Variants in MEIS1 observed in about 807,000 individuals in gnomAD.
The protein encoded by MEIS1 is Meis homeobox 1, also known as homeobox protein Meis1.
A neutral mutation model predicts 50.8 loss-of-function variants in MEIS1; 5 were observed. The ratio of observed to expected loss-of-function variants is 0.10; its 90% CI spans 0.05 to 0.21. The LOEUF (loss-of-function observed/expected upper bound fraction) is 0.21, where lower values mean the gene tolerates loss of function less well. Among genes scored for constraint, MEIS1 ranks in the 10% least tolerant of loss-of-function variants. The probability of loss-of-function intolerance (pLI) is 1.00; values close to 1 mark genes in which losing one functional copy is unlikely to be tolerated. For missense variants in MEIS1, 318 were observed against 517.3 expected, an observed-to-expected ratio of 0.61 and a Z score of 3.74; for synonymous variants, 176 against 179.3, an observed-to-expected ratio of 0.98 and a Z score of 0.15.
intron 7 of MEIS1, among the ~76,000 whole-genome samples, chr2:66,509,974 A>T (rs929929354): frequency 2.6e-5 from 4 of 151,992 alleles, no homozygotes; most frequent in African/African-American, 9.7e-5. Context: ...TAAAAAGGCT[A>T]TTTTTTTTAA....
intron 3 of MEIS1, chr2:66,440,229 C>T (rs1671934515): frequency 3.4e-6 from 2 of 594,662 alleles, no homozygotes; most frequent in South Asian, 4.2e-5. Context: ...ACTCACCCTC[C>T]AGAAAGCAAA....
chr2:66,494,200 T>G, intron 7 of MEIS1, among the ~76,000 whole-genome samples: 1 of 152,210 alleles, frequency 6.6e-6, no homozygotes. Flanking sequence ...CGATCACTTG[T>G]TCCATATGTA....
intron 9 of MEIS1, 86 bp downstream of exon 9, chr2:66,548,105 C>A: frequency 7.9e-7 from 1 of 1,261,116 alleles, no homozygotes. Flanking sequence ...GAAGACACAC[C>A]CAGTTGCCAC....
At chr2:66,524,426 G>T (rs1208069468) in intron 8 of MEIS1, among the ~76,000 whole-genome samples, 1 of 152,078 alleles carries the variant, frequency 6.6e-6, no homozygotes, top group Non-Finnish European at 1.5e-5. Flanking sequence ...GCCAGGTGTG[G>T]TGGCTAATGC....
At position 66,500,715 on chromosome 2, in the gene MEIS1, G is replaced by A. The variant is rs138124734; in HGVS notation, c.743-11434G>A. Among the ~76,000 whole-genome samples the A allele has an allele frequency of 7.9e-3, 1,203 of 152,256 alleles. 48 individuals carry two copies. The East Asian group carries it at 0.11, about 14-fold the overall frequency. Reference sequence around the variant, plus strand: ...GCTGGGATTACAGGCATGAGCCACCGTGCCCGGCCAGCTTTTTTATTTTTC... The same window carrying A: ...GCTGGGATTACAGGCATGAGCCACCATGCCCGGCCAGCTTTTTTATTTTTC... On this transcript the variant is annotated intron_variant, in intron 7 of 12. Transcript: ENST00000272369.
intron 7 of MEIS1, among the ~76,000 whole-genome samples, chr2:66,489,524 C>T (rs555488364): frequency 1.3e-5 from 2 of 152,312 alleles, no homozygotes; most frequent in South Asian, 2.1e-4. Context: ...CTTCAATCAA[C>T]TTGCTTAAAT....
At position 66,463,698 on chromosome 2, in the gene MEIS1, A is replaced by G. The variant is rs1361210653; in HGVS notation, c.631-411A>G. Reference sequence around the variant, plus strand: ...CTGCCATGTTTGTCTTCTAGGATGAATCAGAGGCCCCTATAAACCACAGTG... The same window carrying G: ...CTGCCATGTTTGTCTTCTAGGATGAGTCAGAGGCCCCTATAAACCACAGTG... On this transcript the variant is annotated intron_variant, in intron 6 of 12. Transcript: ENST00000272369. Among the ~76,000 whole-genome samples, 3 of 152,302 alleles carry G rather than the reference A, an allele frequency of 2.0e-5. No homozygotes were observed. The South Asian group carries it at 6.2e-4, about 32-fold the overall frequency.
chr2:66,519,590 CA>C (rs1304715270), intron 8 of MEIS1, among the ~76,000 whole-genome samples: 1 of 152,172 alleles, frequency 6.6e-6, no homozygotes, highest in Admixed American at 6.5e-5. Context: ...AACCTTCTAA[CA>C]TTTTAAAGGC....
intron 9 of MEIS1, among the ~76,000 whole-genome samples, chr2:66,552,684 A>G (rs1376257792): frequency 6.6e-6 from 1 of 152,248 alleles, no homozygotes; most frequent in Non-Finnish European, 1.5e-5. Context: ...GTAAAAATGT[A>G]AACTTATTTT....
intron 10 of MEIS1, 192 bp downstream of exon 10, chr2:66,567,703 T>A: frequency 3.0e-6 from 2 of 671,230 alleles, no homozygotes; most frequent in Admixed American, 2.4e-5. Context: ...TTGGAGAAGG[T>A]GGAAAAAAAA....
chr2:66,437,678 G>A lies in MEIS1; in HGVS notation c.13-59G>A, dbSNP rs115907637. ...CCTTATATAAGCTCGGTGCCTTGCC[G>A]TTCTCCCATTTGCCCGCCTGGCCTC... On this transcript the variant is annotated intron_variant, in intron 1 of 12. Transcript: ENST00000272369. 2,224 of 1,519,634 alleles carry A rather than the reference G, an allele frequency of 1.5e-3. 20 individuals carry two copies. Among genetic ancestry groups the A allele is most frequent in the South Asian group, 0.014 (1,190 of 86,940 alleles). The allele number at this position is 1,519,634 out of a possible 1,614,324, so 94.1% of individuals were successfully genotyped here. A position where few individuals can be genotyped will look rare whatever the true frequency, so the allele number is the denominator to read the frequency against.
intron 6 of MEIS1, among the ~76,000 whole-genome samples, chr2:66,458,589 C>T (rs1278635712): frequency 6.6e-6 from 1 of 152,134 alleles, no homozygotes; most frequent in African/African-American, 2.4e-5. Flanking sequence ...GTTATGTCTG[C>T]AAGGGAGTAC....
chr2:66,556,665 G>A (rs1412954398), intron 9 of MEIS1, among the ~76,000 whole-genome samples: 1 of 152,078 alleles, frequency 6.6e-6, no homozygotes, highest in African/African-American at 2.4e-5. Flanking sequence ...GAAGGGTTTT[G>A]TTGGCCTATA....
chr2:66,546,325 A>G (rs1320175788), intron 8 of MEIS1, among the ~76,000 whole-genome samples: 2 of 152,102 alleles, frequency 1.3e-5, no homozygotes, highest in African/African-American at 4.8e-5. Context: ...GGCTTGGTAT[A>G]GGGGTAGGAA....
chr2:66,517,362 A>G (rs2103863800), intron 8 of MEIS1, among the ~76,000 whole-genome samples: 1 of 152,348 alleles, frequency 6.6e-6, no homozygotes, highest in South Asian at 2.1e-4. Flanking sequence ...TGTTATCTGC[A>G]GACAGATCAT....
At chr2:66,511,963 T>G (rs374840315) in intron 7 of MEIS1, among the ~76,000 whole-genome samples, 186 bp from the exon 8 acceptor site, 2 of 152,254 alleles carry the variant, frequency 1.3e-5, no homozygotes, top group African/African-American at 4.8e-5. Context: ...TAGACCTGAC[T>G]GCTCTTGAGC....
chr2:66,475,379 C>A (rs1356155940), intron 7 of MEIS1, among the ~76,000 whole-genome samples: 1 of 146,792 alleles, frequency 6.8e-6, no homozygotes, highest in Middle Eastern at 3.4e-3. Flanking sequence ...TATATATATT[C>A]TCCCTCTCAT....
rs1484204120 is a variant in MEIS1, at chr2:66,435,521, G to C, written c.-336G>C. The C allele has an allele frequency of 5.2e-6, 2 of 386,576 alleles. No homozygotes were observed. Among genetic ancestry groups the C allele is most frequent in the African/African-American group, 4.1e-5 (2 of 48,214 alleles). 23.9% of individuals were successfully genotyped at this position (386,576 alleles called of 1,614,324 possible). A position where few individuals can be genotyped will look rare whatever the true frequency, so the allele number is the denominator to read the frequency against. Reference sequence around the variant, plus strand: ...GCCATGAGATTTGGTAGTTGGGTCTGAGGGGCGCTCTTTTTTTTCCTTTTC... The same window carrying C: ...GCCATGAGATTTGGTAGTTGGGTCTCAGGGGCGCTCTTTTTTTTCCTTTTC... On this transcript the variant is annotated 5_prime_UTR_variant, in exon 1 of 13. An upstream open reading frame in the 5' UTR loses its in-frame stop. Coordinates refer to ENST00000272369, the MANE Select transcript of MEIS1 (RefSeq NM_002398.3).
At chr2:66,540,464 C>G (rs966194686) in intron 8 of MEIS1, among the ~76,000 whole-genome samples, 2 of 152,108 alleles carry the variant, frequency 1.3e-5, no homozygotes, top group Non-Finnish European at 1.5e-5. Flanking sequence ...CGCCTGACAT[C>G]ACGCCCAGCT....
Sources: allele counts gnomAD v4.1 joint callset (sites outside exome capture counted in the v4.1 genomes callset), GRCh38; gene constraint gnomAD v4.1.1; transcripts MANE v1.5; gene names NCBI Gene and HGNC (gene_info 2026-07-23, HGNC 2026-07-21).